Variants in PCDH15 observed in about 807,000 individuals in gnomAD.
PCDH15 encodes the protein protocadherin-15.
A neutral mutation model predicts 178.5 loss-of-function variants in PCDH15; 129 were observed. That is an observed-to-expected ratio of 0.72 (90% CI 0.63 to 0.84). The LOEUF is 0.84. PCDH15 is among the 40% of genes least tolerant of loss of function. The pLI is 0.00. For missense variants in PCDH15, 2,230 were observed against 2,099.9 expected (o/e 1.06, Z -1.21); for synonymous variants, 800 against 732.0 (o/e 1.09, Z -1.50).
chr10:54,995,759 C>A (rs1273028826), intron 2 of PCDH15, among the ~76,000 whole-genome samples: 1 of 151,788 alleles, frequency 6.6e-6, no homozygotes, highest in Admixed American at 6.6e-5. Flanking sequence ...AGAACTGAAA[C>A]TTAACAGGTT....
chr10:55,396,587 T>C (rs964974256), intron 2 of PCDH15, among the ~76,000 whole-genome samples: 1 of 152,094 alleles, frequency 6.6e-6, no homozygotes, highest in Admixed American at 6.6e-5. Flanking sequence ...GCAAGAAATA[T>C]TAGAATGATG....
At chr10:55,051,073 T>C (rs1841149383) in intron 2 of PCDH15, among the ~76,000 whole-genome samples, 1 of 152,114 alleles carries the variant, frequency 6.6e-6, no homozygotes, top group Non-Finnish European at 1.5e-5. Context: ...TCATACATCT[T>C]ACTTTGCTTG....
At chr10:55,429,835 T>C (rs1304991790) in intron 2 of PCDH15, among the ~76,000 whole-genome samples, 1 of 152,190 alleles carries the variant, frequency 6.6e-6, no homozygotes, top group Non-Finnish European at 1.5e-5. Context: ...TCATTTATAA[T>C]AAATTATTTT....
intron 3 of PCDH15, among the ~76,000 whole-genome samples, chr10:54,876,388 T>C (rs1954144226): frequency 6.6e-6 from 1 of 152,180 alleles, no homozygotes; most frequent in African/African-American, 2.4e-5. Flanking sequence ...AGGAGTAATG[T>C]CGGTGTTCAA....
chr10:54,254,816 T>C (rs1334820524), intron 8 of PCDH15, among the ~76,000 whole-genome samples: 1 of 152,212 alleles, frequency 6.6e-6, no homozygotes, highest in Non-Finnish European at 1.5e-5. Context: ...TGATAGATGC[T>C]TCATAAATCT....
At chr10:54,891,767 A>C (rs1954466140) in intron 3 of PCDH15, among the ~76,000 whole-genome samples, 1 of 152,290 alleles carries the variant, frequency 6.6e-6, no homozygotes, top group South Asian at 2.1e-4. Context: ...GGACCAAAAC[A>C]GGTATTTGTA....
chr10:54,978,853 C>T (rs1292007693), intron 2 of PCDH15, among the ~76,000 whole-genome samples: 1 of 152,114 alleles, frequency 6.6e-6, no homozygotes, highest in Non-Finnish European at 1.5e-5. Context: ...ATTTCTTCCA[C>T]ATCTACATGA....
chr10:55,000,019 C>T (rs1839762396), intron 2 of PCDH15, among the ~76,000 whole-genome samples: 1 of 152,136 alleles, frequency 6.6e-6, no homozygotes, highest in South Asian at 2.1e-4. Context: ...AGGGCGAGAT[C>T]ACAGGACCAC....
In PCDH15 at chr10:53,940,987, GAGA is replaced by G; in HGVS notation, c.3123-15_3123-13del. Reference sequence around the variant, plus strand: ...TTACTGGAGGAGGTCTGCAGGTTTAGAGAAGATGATGTATTTATTTTTAAATAT... The same window carrying G: ...TTACTGGAGGAGGTCTGCAGGTTTAGAGATGATGTATTTATTTTTAAATAT... On this transcript the variant is annotated splice_polypyrimidine_tract_variant and intron_variant, in intron 23 of 37. Transcript: ENST00000644397. 6.6e-7 allele frequency: 1 copy of G among 1,524,118 alleles called. No homozygotes were observed. 94.4% of individuals were successfully genotyped at this position (1,524,118 alleles called of 1,614,324 possible).
At chr10:54,244,873 A>G (rs1164540633) in intron 8 of PCDH15, among the ~76,000 whole-genome samples, 1 of 152,222 alleles carries the variant, frequency 6.6e-6, no homozygotes, top group Admixed American at 6.5e-5. Flanking sequence ...TACCATGAAG[A>G]TAAGGAGACA....
intron 2 of PCDH15, among the ~76,000 whole-genome samples, chr10:55,049,916 G>C (rs571841883): frequency 3.9e-5 from 6 of 151,984 alleles, no homozygotes; most frequent in Non-Finnish European, 8.8e-5. Context: ...CACTGAAACA[G>C]AGTTTTAAAA....
chr10:55,522,154 A>G (rs993944204), intron 2 of PCDH15, among the ~76,000 whole-genome samples: 1 of 151,852 alleles, frequency 6.6e-6, no homozygotes, highest in African/African-American at 2.4e-5. Flanking sequence ...GCCAATTTAC[A>G]TTTTATCCAA....
intron 14 of PCDH15, among the ~76,000 whole-genome samples, chr10:54,140,703 G>A (rs532417361): frequency 2.0e-5 from 3 of 151,416 alleles, no homozygotes; most frequent in South Asian, 2.1e-4. Context: ...TCCTGACCTC[G>A]TGATCCACTC....
In PCDH15 at chr10:54,063,593, G is replaced by A. The variant is rs114467849; in HGVS notation, c.2220+3164C>T. On this transcript the variant is annotated intron_variant, in intron 18 of 37. Transcript: ENST00000644397. ...GCTTTTCCAGCCAGAAACCTCTGCG[G>A]GTGGTGGCGCCTTTGCCCAAGTTTT... Among the ~76,000 whole-genome samples the A allele has an allele frequency of 9.0e-3, 1,368 of 152,196 alleles. 21 individuals are homozygous for A. The highest frequency in any genetic ancestry group is 0.032 in the African/African-American group (1,309 of 41,520).
chr10:55,139,156 T>C (rs1437879804), intron 2 of PCDH15, among the ~76,000 whole-genome samples: 2 of 152,100 alleles, frequency 1.3e-5, no homozygotes, highest in South Asian at 4.1e-4. Context: ...TTTTGCTTTT[T>C]ATTAAATAAT....
rs913388525 is a variant in PCDH15, at chr10:55,084,467, A to G, written c.-80+82109T>C. Among the ~76,000 whole-genome samples the G allele has an allele frequency of 2.0e-5, 3 of 151,650 alleles. No homozygotes were observed. In the East Asian group the frequency reaches 5.8e-4, roughly 29 times the overall value. On this transcript the variant is annotated intron_variant, in intron 2 of 5. Transcript: ENST00000458638. ...AAATCTAAGACCTCAAGCTGTAAAA[A>G]AAAAACTAAAAGAAAACTTTTGGAA...
chr10:54,788,025 GA>G (rs1351323296), intron 1 of PCDH15, among the ~76,000 whole-genome samples: 1 of 151,814 alleles, frequency 6.6e-6, no homozygotes, highest in Non-Finnish European at 1.5e-5. Flanking sequence ...TAAGAAAGAA[GA>G]GAGGCACAGG....
At chr10:54,193,937 G>T (rs548343203) in intron 11 of PCDH15, among the ~76,000 whole-genome samples, 189 of 151,930 alleles carry the variant, frequency 1.2e-3, no homozygotes, top group Non-Finnish European at 2.2e-3. Context: ...TTTGTTGTGA[G>T]ATTTAAGGGA....
intron 2 of PCDH15, among the ~76,000 whole-genome samples, chr10:55,445,612 A>G (rs1177937082): frequency 1.3e-5 from 2 of 152,168 alleles, no homozygotes; most frequent in Non-Finnish European, 2.9e-5. Flanking sequence ...TATACTAGTA[A>G]GAGTTGTTTG....
Sources: allele counts gnomAD v4.1 joint callset (sites outside exome capture counted in the v4.1 genomes callset), GRCh38; gene constraint gnomAD v4.1.1; transcripts MANE v1.5; gene names NCBI Gene and HGNC (gene_info 2026-07-23, HGNC 2026-07-21).